COMMD10: variants seen among roughly 807,000 people sequenced by gnomAD.
COMMD10 encodes COMM domain containing 10, also known as COMM domain-containing protein 10.
COMMD10 carries 33 observed loss-of-function variants against 28.9 expected under a neutral mutation model. That is an observed-to-expected ratio of 1.14 (90% CI 0.87 to 1.53). The LOEUF is 1.53. COMMD10 is among the 40% of genes most tolerant of loss of function. The pLI, the probability that COMMD10 is intolerant of heterozygous loss-of-function variation, is 0.00. For synonymous variants in COMMD10, 110 were observed against 81.7 expected, an observed-to-expected ratio of 1.35 and a Z score of -1.87; for missense variants, 310 against 233.4, an observed-to-expected ratio of 1.33 and a Z score of -2.14.
chr5:116,216,647 C>T (rs1341132174), intron 5 of COMMD10, among the ~76,000 whole-genome samples: 1 of 152,136 alleles, frequency 6.6e-6, no homozygotes, highest in African/African-American at 2.4e-5. Flanking sequence ...AGTTCCCCTG[C>T]CTCAGCCTCC....
At chr5:116,229,668 A>T (rs917532904) in intron 5 of COMMD10, among the ~76,000 whole-genome samples, 1 of 152,064 alleles carries the variant, frequency 6.6e-6, no homozygotes, top group African/African-American at 2.4e-5. Context: ...AAACAGCTAG[A>T]AAACAAATTA....
At chr5:116,269,609 A>T (rs1020942423) in intron 5 of COMMD10, among the ~76,000 whole-genome samples, 1 of 151,816 alleles carries the variant, frequency 6.6e-6, no homozygotes, top group Non-Finnish European at 1.5e-5. Flanking sequence ...TTTAAATTGT[A>T]TGGTTTTCCC....
chr5:116,156,324 G>C (rs566206846), intron 5 of COMMD10, among the ~76,000 whole-genome samples: 61 of 152,198 alleles, frequency 4.0e-4, no homozygotes, highest in African/African-American at 1.4e-3. Flanking sequence ...AACTGATTGA[G>C]GCTCAAATTC....
chr5:116,116,249 C>T (rs1337426806), intron 4 of COMMD10, among the ~76,000 whole-genome samples: 2 of 151,888 alleles, frequency 1.3e-5, no homozygotes, highest in Non-Finnish European at 2.9e-5. Context: ...TATTGAATAC[C>T]TATCTTTTAT....
chr5:116,233,035 A>G (rs1749568148), intron 5 of COMMD10, among the ~76,000 whole-genome samples: 2 of 152,142 alleles, frequency 1.3e-5, no homozygotes, highest in South Asian at 2.1e-4. Context: ...CATTTATAAT[A>G]TTTATTCATT....
chr5:116,086,440 C>G (rs142628719), intron 1 of COMMD10, among the ~76,000 whole-genome samples: 1 of 148,566 alleles, frequency 6.7e-6, no homozygotes, highest in East Asian at 2.0e-4. Context: ...CTTTGGGAGG[C>G]TGAGGCGGGC....
At chr5:116,169,789 C>T (rs180715574) in intron 5 of COMMD10, among the ~76,000 whole-genome samples, 3 of 152,130 alleles carry the variant, frequency 2.0e-5, no homozygotes, top group African/African-American at 7.2e-5. Context: ...AATTCAGCAC[C>T]TCTTCATGCT....
chr5:116,283,693 C>G (rs541326299), intron 5 of COMMD10, among the ~76,000 whole-genome samples: 1 of 151,860 alleles, frequency 6.6e-6, no homozygotes, highest in East Asian at 1.9e-4. Context: ...TTAACCAAAT[C>G]TGATCAATGT....
rs192386224 is a variant in COMMD10, at chr5:116,126,853, C to A, written c.400-7215C>A. 7.7e-4 allele frequency among the ~76,000 whole-genome samples: 117 copies of A among 152,146 alleles called. No homozygotes were observed. The East Asian group carries it at 8.1e-3, about 11-fold the overall frequency. On this transcript the variant is annotated intron_variant, in intron 4 of 6. Coordinates refer to ENST00000274458, the MANE Select transcript of COMMD10 (RefSeq NM_016144.4). The stretch of plus-strand genomic sequence containing the variant: ...GGAAACCTAGGCAATACCATTCAGG[C>A]CATAGGCATGGGCAAGGACTTCATG...
intron 5 of COMMD10, among the ~76,000 whole-genome samples, chr5:116,225,945 G>A (rs561283168): frequency 2.6e-5 from 4 of 151,850 alleles, no homozygotes; most frequent in Non-Finnish European, 5.9e-5. Flanking sequence ...TGATTAGCTT[G>A]GTGCTAACAT....
chr5:116,247,202 C>T (rs1261708495), intron 5 of COMMD10, among the ~76,000 whole-genome samples: 1 of 151,544 alleles, frequency 6.6e-6, no homozygotes, highest in Non-Finnish European at 1.5e-5. Flanking sequence ...TACATATGGT[C>T]AACAGTCATA....
At chr5:116,144,793 G>A (rs956900425) in intron 5 of COMMD10, among the ~76,000 whole-genome samples, 5 of 151,870 alleles carry the variant, frequency 3.3e-5, no homozygotes, top group African/African-American at 1.2e-4. Flanking sequence ...TGAGGTGAGA[G>A]TGGAAGTAGT....
chr5:116,245,200 G>A (rs954929239), intron 5 of COMMD10, among the ~76,000 whole-genome samples: 2 of 151,878 alleles, frequency 1.3e-5, no homozygotes, highest in Non-Finnish European at 1.5e-5. Flanking sequence ...TATAACCATC[G>A]GAGGATATTA....
intron 5 of COMMD10, among the ~76,000 whole-genome samples, chr5:116,184,235 C>T (rs1346787353): frequency 2.6e-5 from 4 of 151,022 alleles, no homozygotes; most frequent in African/African-American, 9.7e-5. Context: ...TTTTTTTAAT[C>T]CAGGATGTCA....
At chr5:116,186,849 T>C (rs181256649) in intron 5 of COMMD10, among the ~76,000 whole-genome samples, 134 of 152,296 alleles carry the variant, frequency 8.8e-4, no homozygotes, top group South Asian at 2.1e-3. Flanking sequence ...GAAAAACTAT[T>C]AGTGATTCCA....
intron 4 of COMMD10, among the ~76,000 whole-genome samples, chr5:116,095,312 T>C (rs1374086256): frequency 6.6e-6 from 1 of 152,178 alleles, no homozygotes; most frequent in African/African-American, 2.4e-5. Flanking sequence ...ATATTATGTA[T>C]TGATTAACAA....
intron 5 of COMMD10, among the ~76,000 whole-genome samples, chr5:116,177,200 A>G (rs559103716): frequency 1.3e-5 from 2 of 152,214 alleles, no homozygotes; most frequent in Non-Finnish European, 2.9e-5. Context: ...CTTAATGGAG[A>G]TGGGAAACTT....
intron 5 of COMMD10, among the ~76,000 whole-genome samples, chr5:116,213,080 T>C (rs1326786550): frequency 6.6e-6 from 1 of 152,046 alleles, no homozygotes; most frequent in Non-Finnish European, 1.5e-5. Flanking sequence ...TTTTGATTGG[T>C]TTGTCATATT....
At chr5:116,151,012 T>G (rs1406585943) in intron 5 of COMMD10, among the ~76,000 whole-genome samples, 1 of 151,496 alleles carries the variant, frequency 6.6e-6, no homozygotes, top group Non-Finnish European at 1.5e-5. Context: ...AGATAGCTCT[T>G]ATTATTTTGA....
Sources: allele counts gnomAD v4.1 joint callset (sites outside exome capture counted in the v4.1 genomes callset), GRCh38; gene constraint gnomAD v4.1.1; transcripts MANE v1.5; gene names NCBI Gene and HGNC (gene_info 2026-07-23, HGNC 2026-07-21).